The following KIAA1217 variants were observed in gnomAD, a reference collection of about 807,000 sequenced individuals.
KIAA1217 encodes sickle tail protein homolog.
In KIAA1217, 88 loss-of-function variants were observed where a neutral mutation model predicts 163.9. The ratio of observed to expected loss-of-function variants is 0.54; its 90% CI spans 0.45 to 0.64. The LOEUF (loss-of-function observed/expected upper bound fraction) is 0.64, where lower values mean the gene tolerates loss of function less well. Among genes scored for constraint, KIAA1217 ranks in the 30% least tolerant of loss-of-function variants. The pLI is 0.00. For synonymous variants in KIAA1217, 903 were observed against 923.1 expected, an observed-to-expected ratio of 0.98 and a Z score of 0.39; for missense variants, 2,372 against 2,475.0, an observed-to-expected ratio of 0.96 and a Z score of 0.88.
intron 2 of KIAA1217, among the ~76,000 whole-genome samples, chr10:24,028,046 C>G (rs1351010652): frequency 2.6e-5 from 4 of 152,110 alleles, no homozygotes; most frequent in African/African-American, 9.7e-5. Flanking sequence ...GGGACAATGG[C>G]TGGCATATCA....
At chr10:24,150,667 T>C (rs1298844001) in intron 2 of KIAA1217, among the ~76,000 whole-genome samples, 2 of 152,164 alleles carry the variant, frequency 1.3e-5, no homozygotes, top group Non-Finnish European at 2.9e-5. Flanking sequence ...CAACTGGATA[T>C]GCAGTAAAAT....
chr10:24,022,586 T>C lies in KIAA1217; in HGVS notation c.-171+15212T>C, dbSNP rs575175084. Among the ~76,000 whole-genome samples the C allele has an allele frequency of 2.6e-5, 4 of 151,934 alleles. No individual in the cohort carries two copies. In the East Asian group the frequency reaches 7.7e-4, roughly 29 times the overall value. ...CCAAGTTAAACATCGACTTACTATA[T>C]GATCCAGCAATCCCATTCCCAGGTA... On this transcript the variant is annotated intron_variant, in intron 2 of 18. Transcript: ENST00000376462.
At chr10:23,751,398 A>C (rs1304917372) in intron 1 of KIAA1217, among the ~76,000 whole-genome samples, 1 of 152,208 alleles carries the variant, frequency 6.6e-6, no homozygotes. Flanking sequence ...AAGTTTATTC[A>C]ATCACGTATT....
chr10:24,473,758 G>A lies in KIAA1217; in HGVS notation c.1377G>A (p.Pro459=), dbSNP rs768656660. ...ACAGACAGAAATCAAGGAAATATCC[G>A]GATAGCCATTTGCCTACACTGGGCT... ...SLYRQKSRKY[P]DSHLPTLGSK... is the part of the protein sequence containing the mutation. Residue 459 remains proline, a synonymous_variant, in exon 6 of 21, where the codon CCG becomes CCA. Transcript: ENST00000376454. The A allele has an allele frequency of 4.2e-5, 67 of 1,613,894 alleles. 1 individual carries two copies. The Middle Eastern group carries it at 6.6e-4, about 16-fold the overall frequency.
chr10:24,266,741 G>A (rs1297866029), intron 2 of KIAA1217, among the ~76,000 whole-genome samples: 1 of 152,100 alleles, frequency 6.6e-6, no homozygotes, highest in Non-Finnish European at 1.5e-5. Context: ...TTAAAAAAAG[G>A]GCATTCTGAT....
chr10:23,968,896 C>T (rs1391294449), intron 1 of KIAA1217, among the ~76,000 whole-genome samples: 1 of 152,142 alleles, frequency 6.6e-6, no homozygotes, highest in African/African-American at 2.4e-5. Flanking sequence ...ACTTAAATTA[C>T]TTCTCCTATT....
chr10:23,746,677 C>T, intron 1 of KIAA1217, among the ~76,000 whole-genome samples: 1 of 152,116 alleles, frequency 6.6e-6, no homozygotes, highest in Non-Finnish European at 1.5e-5. Context: ...CCCACCTCAG[C>T]CTCCCAAAGT....
At chr10:23,747,078 C>T (rs1035534825) in intron 1 of KIAA1217, among the ~76,000 whole-genome samples, 6 of 152,166 alleles carry the variant, frequency 3.9e-5, no homozygotes, top group Non-Finnish European at 7.3e-5. Flanking sequence ...GAAGACTACG[C>T]AGGGCCTAGG....
intron 3 of KIAA1217, among the ~76,000 whole-genome samples, chr10:24,402,511 AAAAACAAAAAACAAAAC>A (rs1211855058): frequency 8.5e-6 from 1 of 117,478 alleles, no homozygotes; most frequent in African/African-American, 4.1e-5. Context: ...TCCCTCTCAA[AAAAACAAAAAACAAAAC>A]AAAAAAAAAA....
Position 24,209,252 on chromosome 10 carries a change from G to A in KIAA1217, c.59G>A (p.Arg20Lys). The change falls in exon 1 of 21, where the codon AGA (arginine) becomes AAA (lysine). Residue 20 changes from arginine to lysine, a missense_variant. Coordinates refer to ENST00000376454, the MANE Select transcript of KIAA1217 (RefSeq NM_019590.5). ...EPCLPYSADRRQMQEQGKGNL... is the reference protein window; with the variant it reads ...EPCLPYSADRKQMQEQGKGNL... ...TGCCTTCCTTACTCAGCAGACAGAA[G>A]ACAGATGCAGGGTAAGTAACAGACC... 5.0e-6 allele frequency: 8 copies of A among 1,613,144 alleles called. No homozygotes were observed. Among genetic ancestry groups the A allele is most frequent in the Non-Finnish European group, 6.8e-6 (8 of 1,179,456 alleles).
At chr10:23,865,714 A>T (rs1407997804) in intron 1 of KIAA1217, among the ~76,000 whole-genome samples, 1 of 152,132 alleles carries the variant, frequency 6.6e-6, no homozygotes, top group African/African-American at 2.4e-5. Context: ...TTTGTATTCT[A>T]TATAGGATGA....
At chr10:24,049,397 TC>T (rs1160079644) in intron 2 of KIAA1217, among the ~76,000 whole-genome samples, 1 of 152,164 alleles carries the variant, frequency 6.6e-6, no homozygotes, top group African/African-American at 2.4e-5. Flanking sequence ...TTTTTTTAAC[TC>T]TATTTATTTA....
intron 1 of KIAA1217, among the ~76,000 whole-genome samples, chr10:23,964,050 C>A (rs535226457): frequency 6.6e-6 from 1 of 151,844 alleles, no homozygotes; most frequent in Admixed American, 6.6e-5. Context: ...TGCACCACCA[C>A]GCTCAGCTAA....
At chr10:23,747,383 C>G (rs1839469898) in intron 1 of KIAA1217, among the ~76,000 whole-genome samples, 1 of 152,064 alleles carries the variant, frequency 6.6e-6, no homozygotes, top group East Asian at 1.9e-4. Context: ...ACTGGGGTCT[C>G]TCAGAGGTTT....
intron 1 of KIAA1217, among the ~76,000 whole-genome samples, chr10:23,969,659 CTTTATATA>C (rs1211456245): frequency 6.6e-6 from 1 of 152,068 alleles, no homozygotes; most frequent in Admixed American, 6.5e-5. Flanking sequence ...TGTAAGAGTT[CTTTATATA>C]TTCTGGGTAA....
At chr10:24,498,171 T>C (rs1394602098) in intron 8 of KIAA1217, among the ~76,000 whole-genome samples, 1 of 152,052 alleles carries the variant, frequency 6.6e-6, no homozygotes, top group African/African-American at 2.4e-5. Flanking sequence ...GTAGCAGAAG[T>C]GGCCTCCCTA....
chr10:24,112,768 A>G (rs1235952274), intron 2 of KIAA1217, among the ~76,000 whole-genome samples: 1 of 151,544 alleles, frequency 6.6e-6, no homozygotes, highest in Non-Finnish European at 1.5e-5. Context: ...TTGTTTTTTT[A>G]GTAGAGACGG....
chr10:24,323,131 T>C (rs1049338815), intron 2 of KIAA1217, among the ~76,000 whole-genome samples: 4 of 148,890 alleles, frequency 2.7e-5, no homozygotes, highest in African/African-American at 9.8e-5. Flanking sequence ...AAAAAAAAAA[T>C]GTTTTTGTAG....
At chr10:23,914,775 TCTC>T (rs1276120157) in intron 1 of KIAA1217, among the ~76,000 whole-genome samples, 1 of 152,122 alleles carries the variant, frequency 6.6e-6, no homozygotes, top group African/African-American at 2.4e-5. Context: ...CCATGGCAAT[TCTC>T]CTTTTCAGTT....
Sources: gnomAD v4.1 joint callset for allele counts (sites outside exome capture counted in the v4.1 genomes callset) on GRCh38, gnomAD v4.1.1 for gene constraint, MANE v1.5 for transcripts, NCBI Gene and HGNC (gene_info 2026-07-23, HGNC 2026-07-21) for gene names.